KLB: variants seen among roughly 807,000 people sequenced by gnomAD.
KLB encodes beta-klotho.
In KLB, 44 loss-of-function variants were observed where a neutral mutation model predicts 88.4. That is an observed-to-expected ratio of 0.50 (90% CI 0.39 to 0.64). KLB has a LOEUF of 0.64. Ranked by LOEUF, KLB falls within the 30% of genes least tolerant of loss-of-function variation. KLB has a pLI of 0.00. For synonymous variants in KLB, 548 were observed against 513.4 expected, an observed-to-expected ratio of 1.07 and a Z score of -0.91; for missense variants, 1,137 against 1,304.8, an observed-to-expected ratio of 0.87 and a Z score of 1.98.
At chr4:39,422,460 C>G (rs79314707) in intron 1 of KLB, among the ~76,000 whole-genome samples, 2,071 of 152,260 alleles carry the variant, frequency 0.014, 49 homozygotes, top group African/African-American at 0.047. Flanking sequence ...CTCTCCACCC[C>G]CTGGTTTCCT....
intron 1 of KLB, among the ~76,000 whole-genome samples, chr4:39,424,692 C>T (rs766621425): frequency 1.3e-4 from 19 of 148,616 alleles, no homozygotes; most frequent in Middle Eastern, 3.2e-3. Flanking sequence ...AGTGCAGTGG[C>T]GCTATCTCGG....
At position 39,448,435 on chromosome 4, in the gene KLB, A is replaced by G. The variant is rs1743810664; in HGVS notation, c.2884A>G (p.Ile962Val). Reference protein sequence around the residue: ...KSSIQFYNKVISSRGFPFENS... With the variant: ...KSSIQFYNKVVSSRGFPFENS... ...CTCAATACAATTTTACAACAAAGTG[A>G]TCAGCAGCAGGGGCTTCCCTTTTGA... Residue 962 changes from isoleucine (I) to valine (V), a missense_variant, in exon 5 of 5, where the codon ATC becomes GTC. This residue lies in a region of KLB where 426 missense variants were observed against 404.6 expected (regional missense o/e 1.05). Coordinates refer to ENST00000257408, the MANE Select transcript of KLB (RefSeq NM_175737.4). 1.2e-6 allele frequency: 2 copies of G among 1,614,202 alleles called. No individual in the cohort carries two copies. Among genetic ancestry groups the G allele is most frequent in the African/African-American group, 2.7e-5 (2 of 75,076 alleles).
Position 39,447,355 on chromosome 4 carries a change from C to T in KLB, c.2629C>T (p.Arg877Trp), listed in dbSNP as rs772863008. 2 of 1,613,892 alleles carry T rather than the reference C, an allele frequency of 1.2e-6. No homozygotes were observed. The highest frequency in any genetic ancestry group is 1.7e-6 in the Non-Finnish European group (2 of 1,180,038). ...GGTGCGCAAGCTGCTGCGGTGGGTC[C>T]GGAGGAACTACGGCGACATGGACAT... ...WGVRKLLRWV[R>W]RNYGDMDIYI... The change falls in exon 4 of 5, where the codon CGG becomes TGG. Residue 877 changes from arginine to tryptophan, a missense_variant. Arg to Trp is a moderately radical substitution (Grantham distance 101). Transcript: ENST00000257408.
chr4:39,445,675 T>A (rs1218854677), intron 3 of KLB, among the ~76,000 whole-genome samples: 1 of 91,620 alleles, frequency 1.1e-5, no homozygotes, highest in African/African-American at 2.9e-5. Flanking sequence ...TGGCTAATCT[T>A]GTTTTTTTGT....
At position 39,417,304 on chromosome 4, in the gene KLB, TTTTGTTTG is replaced by T. The variant is rs202029882; in HGVS notation, c.825+9551_825+9558del. Among the ~76,000 whole-genome samples, 161 of 151,898 alleles carry T rather than the reference TTTTGTTTG, an allele frequency of 1.1e-3. 1 individual carries two copies. Among genetic ancestry groups the T allele is most frequent in the African/African-American group, 3.4e-3 (142 of 41,422 alleles). On this transcript the variant is annotated intron_variant, in intron 1 of 4. Coordinates refer to ENST00000257408, the MANE Select transcript of KLB (RefSeq NM_175737.4). Reference sequence around the variant, plus strand: ...CCCCTCCCACATCAAAAAAGTGGTTTTTTGTTTGTTTGTTTGTTTGTTTGTTTGAGACG... The same window carrying T: ...CCCCTCCCACATCAAAAAAGTGGTTTTTTGTTTGTTTGTTTGTTTGAGACG...
rs557347768 is a variant in KLB, at chr4:39,445,685, T to TTG, written c.1606-646_1606-645insGT. Among the ~76,000 whole-genome samples, 332 of 90,444 alleles carry TTG rather than the reference T, an allele frequency of 3.7e-3. 2 individuals carry two copies. The highest frequency in any genetic ancestry group is 7.8e-3 in the African/African-American group (221 of 28,208). The allele number at this position is 90,444 out of a possible 152,430, so 59.3% of individuals were successfully genotyped here. On this transcript the variant is annotated intron_variant, in intron 3 of 4. Coordinates refer to ENST00000257408, the MANE Select transcript of KLB (RefSeq NM_175737.4). ...ACGCCTGGCTAATCTTGTTTTTTTG[T>TTG]TTTTTTTTTTTTTTTTAGTAGAGAC... is the stretch of plus-strand genomic sequence containing the variant.
intron 3 of KLB, among the ~76,000 whole-genome samples, chr4:39,439,449 C>CTGTTGTTGTTGT (rs78945121): frequency 1.5e-5 from 2 of 133,006 alleles, no homozygotes; most frequent in Non-Finnish European, 3.3e-5. Flanking sequence ...TTTTTTGTTG[C>CTGTTGTTGTTGT]TGTTGTTTTT....
At chr4:39,422,869 C>T (rs1743119667) in intron 1 of KLB, among the ~76,000 whole-genome samples, 1 of 151,728 alleles carries the variant, frequency 6.6e-6, no homozygotes, top group African/African-American at 2.4e-5. Context: ...TCAAGTGATT[C>T]TCCTGCCTCA....
In KLB at chr4:39,434,310, G is replaced by T. The variant is rs772821024; in HGVS notation, c.926G>T (p.Arg309Leu). Residue 309 changes from arginine (R) to leucine (L), a missense_variant, in exon 2 of 5, where the codon CGG (arginine) becomes CTG (leucine). By Grantham distance (102) the Arg-to-Leu change is moderately radical. This residue lies in a region of KLB where 597 missense variants were observed against 765.2 expected (regional missense o/e 0.78). Coordinates refer to ENST00000257408, the MANE Select transcript of KLB (RefSeq NM_175737.4). Reference sequence around the variant, plus strand: ...GGATCTCATTGGATCGAGCCAAACCGGTCGGAAAACACGATGGATATATTC... The same window carrying T: ...GGATCTCATTGGATCGAGCCAAACCTGTCGGAAAACACGATGGATATATTC... ...TLGSHWIEPN[R>L]SENTMDIFKC... 8 of 1,614,162 alleles carry T rather than the reference G, an allele frequency of 5.0e-6. No homozygotes were observed. Among genetic ancestry groups the T allele is most frequent in the Non-Finnish European group, 3.4e-6 (4 of 1,180,042 alleles).
At chr4:39,426,720 C>T (rs1024375613) in intron 1 of KLB, among the ~76,000 whole-genome samples, 1 of 150,968 alleles carries the variant, frequency 6.6e-6, no homozygotes, top group Non-Finnish European at 1.5e-5. Context: ...CGGGGTCTTG[C>T]TCTGTTGCCT....
intron 3 of KLB, among the ~76,000 whole-genome samples, chr4:39,438,458 C>T (rs1313273582): frequency 1.3e-5 from 2 of 152,064 alleles, no homozygotes; most frequent in Middle Eastern, 3.2e-3. Flanking sequence ...CATCTCATTC[C>T]TCACCCCCTT....
chr4:39,434,485 T>G lies in KLB; in HGVS notation c.1101T>G (p.Ala367=). The G allele has an allele frequency of 6.2e-7, 1 of 1,614,226 alleles. No individual in the cohort carries two copies. The change falls in exon 2 of 5, where the codon GCT becomes GCG. Residue 367 remains alanine, a synonymous_variant. Transcript: ENST00000257408. ...AGAAGCATGAGATGAGAGGCACAGC[T>G]GATTTCTTTGCCTTTTCTTTTGGAC... ...EAEKHEMRGT[A]DFFAFSFGPN... is the part of the protein sequence containing the mutation.
chr4:39,430,593 A>ATTTTTTTTTTTTTTTTTTTTTTTTTTTTT (rs373054180), intron 1 of KLB, among the ~76,000 whole-genome samples: 1 of 87,678 alleles, frequency 1.1e-5, no homozygotes, highest in Non-Finnish European at 2.2e-5. Flanking sequence ...CTGAGAGGAA[A>ATTTTTTTTTTTTTTTTTTTTTTTTTTTTT]TTTTTTTTTT....
At chr4:39,434,766 C>G in intron 2 of KLB, 46 bp downstream of exon 2, 1 of 1,442,446 alleles carries the variant, frequency 6.9e-7, no homozygotes, top group Non-Finnish European at 9.4e-7. Flanking sequence ...TAAAAACTTA[C>G]AGGATATTTA....
Position 39,448,288 on chromosome 4 carries a change from TTA to T in KLB, c.2750-11_2750-10del. On this transcript the variant is annotated splice_polypyrimidine_tract_variant and intron_variant, in intron 4 of 4. Coordinates refer to ENST00000257408, the MANE Select transcript of KLB (RefSeq NM_175737.4). Reference sequence around the variant, plus strand: ...TCCATTTGTGATTAATGTTAATTTCTTATCTTTTTCAGCATACCTGATTGATA... The same window carrying T: ...TCCATTTGTGATTAATGTTAATTTCTTCTTTTTCAGCATACCTGATTGATA... 1 of 1,538,170 alleles carries T rather than the reference TTA, an allele frequency of 6.5e-7. No individual in the cohort carries two copies. The highest frequency in any genetic ancestry group is 2.3e-5 in the East Asian group (1 of 44,284).
intron 1 of KLB, among the ~76,000 whole-genome samples, chr4:39,423,536 T>A (rs1408696593): frequency 6.6e-6 from 1 of 151,784 alleles, no homozygotes; most frequent in Admixed American, 6.6e-5. Flanking sequence ...CAGGATGGTG[T>A]AATAAAGTGG....
chr4:39,414,820 G>A (rs1055396456), intron 1 of KLB, among the ~76,000 whole-genome samples: 2 of 133,138 alleles, frequency 1.5e-5, no homozygotes, highest in Admixed American at 8.6e-5. Context: ...AGTGAGCCAA[G>A]ATCATGCCAC....
At position 39,407,340 on chromosome 4, in the gene KLB, T is replaced by A; in HGVS notation, c.391T>A (p.Tyr131Asn). The change falls in exon 1 of 5, where the codon TAT becomes AAT. Residue 131 changes from tyrosine (Y) to asparagine (N), a missense_variant. By Grantham distance (143) the Tyr-to-Asn change is moderately radical. This residue lies in a region of KLB where 597 missense variants were observed against 765.2 expected (regional missense o/e 0.78). Coordinates refer to ENST00000257408, the MANE Select transcript of KLB (RefSeq NM_175737.4). Reference sequence around the variant, plus strand: ...CAGCACGAATGGTTCCAGTGACAGTTATATTTTTCTGGAAAAAGACTTATC... The same window carrying A: ...CAGCACGAATGGTTCCAGTGACAGTAATATTTTTCTGGAAAAAGACTTATC... ...VSSTNGSSDS[Y>N]IFLEKDLSAL... 1.2e-6 allele frequency: 2 copies of A among 1,614,226 alleles called. No individual in the cohort carries two copies. Among genetic ancestry groups the A allele is most frequent in the Non-Finnish European group, 1.7e-6 (2 of 1,180,036 alleles).
intron 1 of KLB, among the ~76,000 whole-genome samples, chr4:39,410,422 A>C (rs1578199547): frequency 1.3e-5 from 2 of 152,170 alleles, no homozygotes; most frequent in South Asian, 4.1e-4. Flanking sequence ...TTTTCCAAAT[A>C]ATGTTTGTAT....
Sources: allele counts gnomAD v4.1 joint callset (sites outside exome capture counted in the v4.1 genomes callset), GRCh38; gene constraint gnomAD v4.1.1; regional missense constraint gnomAD v4.1.1; transcripts MANE v1.5; gene names NCBI Gene and HGNC (gene_info 2026-07-23, HGNC 2026-07-21).